Variants in BCAS3 observed in about 807,000 individuals in gnomAD.
The protein encoded by BCAS3 is BCAS4/BCAS3 fusion.
In BCAS3, 53 loss-of-function variants were observed where a neutral mutation model predicts 116.1. The ratio of observed to expected loss-of-function variants is 0.46; its 90% CI spans 0.37 to 0.57. The LOEUF (loss-of-function observed/expected upper bound fraction) is 0.57, where lower values mean the gene tolerates loss of function less well. Ranked by LOEUF, BCAS3 falls within the 20% of genes least tolerant of loss-of-function variation. BCAS3 has a pLI of 0.00. For missense variants in BCAS3, 917 were observed against 1,165.4 expected, an observed-to-expected ratio of 0.79 and a Z score of 3.10; for synonymous variants, 391 against 408.2, an observed-to-expected ratio of 0.96 and a Z score of 0.51.
chr17:60,878,419 T>C (rs1020368297), intron 9 of BCAS3, among the ~76,000 whole-genome samples: 17 of 152,166 alleles, frequency 1.1e-4, no homozygotes, highest in Non-Finnish European at 1.5e-5. Context: ...AGAATGTGCT[T>C]TGGGGAATCT....
At chr17:61,102,009 G>A (rs1225772166) in intron 22 of BCAS3, among the ~76,000 whole-genome samples, 1 of 152,024 alleles carries the variant, frequency 6.6e-6, no homozygotes, top group Non-Finnish European at 1.5e-5. Flanking sequence ...TCTATGGATG[G>A]TGTAATTTTC....
At position 61,012,359 on chromosome 17, in the gene BCAS3, A is replaced by T. The variant is rs2065169310; in HGVS notation, c.1487-3392A>T. On this transcript the variant is annotated intron_variant, in intron 15 of 23. Transcript: ENST00000407086. This position sits in a 1 kb window ranked among gnomAD's most constrained non-coding sequence, Gnocchi z 4.5. ...TCTTCTTTTTCAGTGTCAGTCTTTA[A>T]ATCTTTGTTCTCTGTTACCTTGATT... Among the ~76,000 whole-genome samples, 1 of 151,930 alleles carries T rather than the reference A, an allele frequency of 6.6e-6. No individual in the cohort carries two copies. The highest frequency in any genetic ancestry group is 2.1e-4 in the South Asian group (1 of 4,832).
intron 22 of BCAS3, among the ~76,000 whole-genome samples, chr17:61,164,938 T>C (rs2078399011): frequency 6.6e-6 from 1 of 152,228 alleles, no homozygotes; most frequent in Non-Finnish European, 1.5e-5. Context: ...ATTGGACCAC[T>C]TTCCTGGTCC....
intron 4 of BCAS3, among the ~76,000 whole-genome samples, chr17:60,692,379 C>T (rs1298878794): frequency 1.3e-5 from 2 of 151,986 alleles, no homozygotes; most frequent in African/African-American, 4.8e-5. Flanking sequence ...GTAGCTGGGA[C>T]GACAGGCACC....
chr17:60,808,212 A>G (rs1344091848), intron 7 of BCAS3, 136 bp downstream of exon 7: 3 of 625,398 alleles, frequency 4.8e-6, no homozygotes, highest in Non-Finnish European at 8.2e-6. Flanking sequence ...AAAGTAAAAC[A>G]TATTTAGGGT....
At chr17:61,195,717 C>T (rs769728155) in intron 22 of BCAS3, among the ~76,000 whole-genome samples, 9 of 151,790 alleles carry the variant, frequency 5.9e-5, no homozygotes, top group Non-Finnish European at 1.2e-4. Context: ...CTCTCTTTCT[C>T]AGGCTGGACT....
chr17:61,189,124 A>C lies in BCAS3; in HGVS notation c.2425+104560A>C, dbSNP rs2079951078. 6.6e-6 allele frequency among the ~76,000 whole-genome samples: 1 copy of C among 151,562 alleles called. No homozygotes were observed. The highest frequency in any genetic ancestry group is 2.4e-5 in the African/African-American group (1 of 41,324). ...CCTGAAAACAAAACAAAACAAAAAA[A>C]GAGAGAGAGAGAGAGAACAGCACAC... On this transcript the variant is annotated intron_variant, in intron 22 of 23. Transcript: ENST00000407086. The surrounding 1 kb of genome is among the most constrained non-coding windows in gnomAD (Gnocchi z 4.5).
chr17:60,707,204 G>T (rs1449991470), intron 4 of BCAS3, among the ~76,000 whole-genome samples: 8 of 152,146 alleles, frequency 5.3e-5, no homozygotes, highest in South Asian at 4.2e-4. Flanking sequence ...TGTTGGTCAG[G>T]CTGGTCTCGA....
At chr17:61,076,656 G>A (rs2072020626) in intron 20 of BCAS3, among the ~76,000 whole-genome samples, 1 of 152,154 alleles carries the variant, frequency 6.6e-6, no homozygotes, top group Non-Finnish European at 1.5e-5. Flanking sequence ...GTGTTTGTCC[G>A]GCACACAACA....
At chr17:61,319,857 C>A (rs749788793) in intron 22 of BCAS3, among the ~76,000 whole-genome samples, 8 of 150,068 alleles carry the variant, frequency 5.3e-5, no homozygotes, top group Non-Finnish European at 1.2e-4. Context: ...AGTCTTTTTT[C>A]TTTTTCTTTC....
intron 22 of BCAS3, among the ~76,000 whole-genome samples, chr17:61,272,670 A>T (rs1372194394): frequency 7.1e-6 from 1 of 140,624 alleles, no homozygotes; most frequent in African/African-American, 2.6e-5. Flanking sequence ...AAAAAAAAGC[A>T]ATTTTGATCA....
At chr17:60,845,933 AT>A (rs1052170240) in intron 7 of BCAS3, among the ~76,000 whole-genome samples, 154 of 140,266 alleles carry the variant, frequency 1.1e-3, no homozygotes, top group Middle Eastern at 7.7e-3. Flanking sequence ...TACCTGGCTA[AT>A]TTTTTTTTTT....
In BCAS3 at chr17:61,261,822, A is replaced by G. The variant is rs2049230517; in HGVS notation, c.2426-106505A>G. Among the ~76,000 whole-genome samples, 1 of 152,232 alleles carries G rather than the reference A, an allele frequency of 6.6e-6. No individual in the cohort carries two copies. Among genetic ancestry groups the G allele is most frequent in the Non-Finnish European group, 1.5e-5 (1 of 68,044 alleles). On this transcript the variant is annotated intron_variant, in intron 22 of 23. Coordinates refer to ENST00000407086, the MANE Select transcript of BCAS3 (RefSeq NM_017679.5). This position sits in a 1 kb window ranked among gnomAD's most constrained non-coding sequence, Gnocchi z 4.4. ...ATTCCCTCCAGGGCGCATAGCAATA[A>G]CGTGAATTTTTTTGTCTAGTATGAC...
In BCAS3 at chr17:61,392,146, A is replaced by G. The variant is rs1569006349; in HGVS notation, c.*21A>G. The G allele has an allele frequency of 6.2e-7, 1 of 1,610,568 alleles. No homozygotes were observed. Among genetic ancestry groups the G allele is most frequent in the Non-Finnish European group, 8.5e-7 (1 of 1,178,282 alleles). On this transcript the variant is annotated 3_prime_UTR_variant, in exon 24 of 24. Transcript: ENST00000407086. The surrounding 1 kb of genome is among the most constrained non-coding windows in gnomAD (Gnocchi z 6.4). Reference sequence around the variant, plus strand: ...CGTAGGTACCAGCAACCTGCTTCTGACTGGCCAGCCCCCTCCCCTGCTGGA... The same window carrying G: ...CGTAGGTACCAGCAACCTGCTTCTGGCTGGCCAGCCCCCTCCCCTGCTGGA...
At chr17:61,209,167 G>A (rs1253726739) in intron 22 of BCAS3, among the ~76,000 whole-genome samples, 1 of 127,362 alleles carries the variant, frequency 7.9e-6, no homozygotes, top group Non-Finnish European at 1.7e-5. Context: ...AGGCCACCCC[G>A]AAACAACAGC....
chr17:60,734,175 T>G (rs1187246506), intron 5 of BCAS3, among the ~76,000 whole-genome samples: 1 of 152,236 alleles, frequency 6.6e-6, no homozygotes, highest in African/African-American at 2.4e-5. Flanking sequence ...CTACCCAGGC[T>G]TCTATTACCC....
intron 14 of BCAS3, among the ~76,000 whole-genome samples, chr17:60,983,209 C>T (rs565196735): frequency 2.3e-4 from 35 of 152,022 alleles, no homozygotes; most frequent in Non-Finnish European, 4.3e-4. Flanking sequence ...TAATGCGACT[C>T]GACTCCTATC....
chr17:61,031,399 A>G (rs2066629768), intron 16 of BCAS3, among the ~76,000 whole-genome samples: 1 of 152,110 alleles, frequency 6.6e-6, no homozygotes, highest in Non-Finnish European at 1.5e-5. Context: ...GCATATTGCT[A>G]GAAAAGCCCT....
chr17:61,044,379 G>A lies in BCAS3; in HGVS notation c.2029+3487G>A, dbSNP rs556218206. 1.3e-3 allele frequency among the ~76,000 whole-genome samples: 188 copies of A among 149,730 alleles called. 2 individuals are homozygous for A. Among genetic ancestry groups the A allele is most frequent in the African/African-American group, 3.6e-3 (147 of 40,278 alleles). On this transcript the variant is annotated intron_variant, in intron 19 of 23. Coordinates refer to ENST00000407086, the MANE Select transcript of BCAS3 (RefSeq NM_017679.5). ...GGAGAATGGCGTGAGCCTGGGAGGCGGAGCTCACAGTGAGCCGAGATTGCA... is the reference window on the plus strand; with the variant it reads ...GGAGAATGGCGTGAGCCTGGGAGGCAGAGCTCACAGTGAGCCGAGATTGCA...
Sources: gnomAD v4.1 joint callset for allele counts (sites outside exome capture counted in the v4.1 genomes callset) on GRCh38, gnomAD v4.1.1 for gene constraint, Gnocchi (gnomAD v3.1) non-coding constraint, MANE v1.5 for transcripts, NCBI Gene and HGNC (gene_info 2026-07-23, HGNC 2026-07-21) for gene names.